The following PDE1B variants were observed in gnomAD, a reference collection of about 807,000 sequenced individuals.
PDE1B encodes phosphodiesterase 1B.
Under a neutral mutation model 66.7 loss-of-function variants are expected in PDE1B, and 13 were observed. The ratio of observed to expected loss-of-function variants is 0.19; its 90% CI spans 0.13 to 0.31. The LOEUF is 0.31. PDE1B is among the 10% of genes least tolerant of loss of function. PDE1B has a pLI of 1.00. For synonymous variants in PDE1B, 230 were observed against 253.9 expected (o/e 0.91, Z 0.90); for missense variants, 485 against 682.3 (o/e 0.71, Z 3.22).
chr12:54,568,656 C>T (rs531446619), intron 3 of PDE1B, among the ~76,000 whole-genome samples: 116 of 152,174 alleles, frequency 7.6e-4, no homozygotes, highest in African/African-American at 2.3e-3. Context: ...ACCAGCCTGG[C>T]GTGGTGGTAG....
chr12:54,573,346 G>C lies in PDE1B; in HGVS notation c.837-9G>C. ...CAGGGGGTGGTCATGATGACCTTTG[G>C]CTTTGTAGGTCAGAATGTGCCATCG... On this transcript the variant is annotated splice_polypyrimidine_tract_variant and intron_variant, in intron 8 of 15. Coordinates refer to ENST00000243052, the MANE Select transcript of PDE1B (RefSeq NM_000924.4). This position sits in a 1 kb window ranked among gnomAD's most constrained non-coding sequence, Gnocchi z 5.2. 6.2e-7 allele frequency: 1 copy of C among 1,614,152 alleles called. No individual in the cohort carries two copies. The highest frequency in any genetic ancestry group is 8.5e-7 in the Non-Finnish European group (1 of 1,180,018).
chr12:54,573,156 G>A lies in PDE1B; in HGVS notation c.744G>A (p.Leu248=). 1 of 1,613,476 alleles carries A rather than the reference G, an allele frequency of 6.2e-7. No individual in the cohort carries two copies. Among genetic ancestry groups the A allele is most frequent in the Non-Finnish European group, 8.5e-7 (1 of 1,179,420 alleles). ...TCTCTTTCCTCCTGTAGCACTGCCT[G>A]TCGGAGATTGAGCTCCTGGCCATCA... ...FLLRTGMVHC[L]SEIELLAIIF... Residue 248 remains leucine (L), a synonymous_variant, in exon 8 of 16, where the codon CTG becomes CTA. Transcript: ENST00000243052. The surrounding 1 kb of genome is among the most constrained non-coding windows in gnomAD (Gnocchi z 5.2).
At position 54,569,508 on chromosome 12, in the gene PDE1B, C is replaced by T. The variant is rs769606340; in HGVS notation, c.411-38C>T. The stretch of plus-strand genomic sequence containing the variant: ...AGCTGGCCACACCTCCACTCCCAGA[C>T]CTTCATATGTGGGCTTCTTCTCATT... On this transcript the variant is annotated intron_variant, in intron 4 of 15. Transcript: ENST00000243052. The surrounding 1 kb of genome is among the most constrained non-coding windows in gnomAD (Gnocchi z 4.4). 3.1e-6 allele frequency: 5 copies of T among 1,596,616 alleles called. No homozygotes were observed. In the South Asian group the frequency reaches 4.4e-5, roughly 14 times the overall value.
chr12:54,562,405 T>A (rs1957433687), intron 2 of PDE1B, among the ~76,000 whole-genome samples: 1 of 151,822 alleles, frequency 6.6e-6, no homozygotes, highest in African/African-American at 2.4e-5. Context: ...CAGAAAGAAG[T>A]GGTGGTGGTG....
rs774810310 is a variant in PDE1B, at chr12:54,573,870, A to AGAGAGAGAGTGTGTGT, written c.1064+162_1064+163insAGAGAGAGTGTGTGTG. The AGAGAGAGAGTGTGTGT allele has an allele frequency of 1.2e-5, 6 of 502,006 alleles. No individual in the cohort carries two copies. In the African/African-American group the frequency reaches 1.3e-4, roughly 11 times the overall value. 31.1% of individuals were successfully genotyped at this position (502,006 alleles called of 1,614,324 possible). On this transcript the variant is annotated intron_variant, in intron 10 of 15. Transcript: ENST00000243052. This position sits in a 1 kb window ranked among gnomAD's most constrained non-coding sequence, Gnocchi z 5.2. Reference sequence around the variant, plus strand: ...GCATCTCTATGTGAGAGAGAGAGAGAGTGTGTGTGTGTGTGTGTGTGTGTG... The same window carrying AGAGAGAGAGTGTGTGT: ...GCATCTCTATGTGAGAGAGAGAGAGAGAGAGAGAGTGTGTGTGTGTGTGTGTGTGTGTGTGTGTGTG...
chr12:54,561,840 C>G (rs1957421198), intron 2 of PDE1B, among the ~76,000 whole-genome samples: 1 of 151,260 alleles, frequency 6.6e-6, no homozygotes, highest in South Asian at 2.1e-4. Context: ...ATTCTCCTCC[C>G]ATTTCCATCC....
In PDE1B at chr12:54,563,090, G is replaced by A. The variant is rs552867615; in HGVS notation, c.114-3884G>A. Among the ~76,000 whole-genome samples the A allele has an allele frequency of 2.6e-4, 40 of 152,204 alleles. No homozygotes were observed. The South Asian group carries it at 6.2e-3, about 24-fold the overall frequency. On this transcript the variant is annotated intron_variant, in intron 2 of 15. Transcript: ENST00000243052. Reference sequence around the variant, plus strand: ...ACACCTGATTAATTTTCCCCTTTCCGTTTTATTTATTTAATGAACTTTTAC... The same window carrying A: ...ACACCTGATTAATTTTCCCCTTTCCATTTTATTTATTTAATGAACTTTTAC...
Position 54,576,650 on chromosome 12 carries a change from G to T in PDE1B, c.1456G>T (p.Val486Phe). The change falls in exon 14 of 16, where the codon GTC becomes TTC. Residue 486 changes from valine (V) to phenylalanine (F), a missense_variant. Val to Phe is a conservative substitution (Grantham distance 50). Coordinates refer to ENST00000243052, the MANE Select transcript of PDE1B (RefSeq NM_000924.4). ...PDVVSFRSTW[V>F]KRIQENKQKW... ...TGTGGTCAGCTTTCGTTCCACCTGG[G>T]TCAAGCGCATTCAGGAGAATAAGCA... The T allele has an allele frequency of 1.2e-6, 2 of 1,613,952 alleles. No homozygotes were observed. Among genetic ancestry groups the T allele is most frequent in the Non-Finnish European group, 1.7e-6 (2 of 1,179,952 alleles).
chr12:54,554,769 G>A (rs531054398), intron 2 of PDE1B, among the ~76,000 whole-genome samples: 207 of 152,202 alleles, frequency 1.4e-3, no homozygotes, highest in African/African-American at 4.8e-3. Context: ...CAATTACAAC[G>A]GTGTAATCTT....
intron 2 of PDE1B, chr12:54,561,703 A>G (rs1957416714): frequency 2.5e-6 from 3 of 1,221,868 alleles, no homozygotes; most frequent in Admixed American, 2.1e-5. Context: ...TGGATCCACC[A>G]GTTGTAGTTT....
chr12:54,561,179 A>G (rs550025664), intron 2 of PDE1B, among the ~76,000 whole-genome samples: 62 of 152,102 alleles, frequency 4.1e-4, no homozygotes, highest in South Asian at 1.2e-3. Flanking sequence ...CCTCTCTGTG[A>G]CAGATTCAGG....
chr12:54,576,201 G>C (rs1957740950), intron 13 of PDE1B, 101 bp downstream of exon 13: 1 of 782,710 alleles, frequency 1.3e-6, no homozygotes, highest in South Asian at 1.4e-5. Flanking sequence ...ATGGTGGGGT[G>C]GTGGGGAGGC....
chr12:54,554,733 G>C (rs1176097934), intron 2 of PDE1B, among the ~76,000 whole-genome samples: 2 of 152,186 alleles, frequency 1.3e-5, no homozygotes, highest in African/African-American at 4.8e-5. Flanking sequence ...TGGGAGACTT[G>C]AGTTCGAGTT....
Position 54,569,123 on chromosome 12 carries a change from G to A in PDE1B, c.228-61G>A. ...AATGTGGGGTATGGCTGGGTACAGG[G>A]TCTCTAGGCTGTGGAAGCACCTGCT... On this transcript the variant is annotated intron_variant, in intron 3 of 15. Transcript: ENST00000243052. The surrounding 1 kb of genome is among the most constrained non-coding windows in gnomAD (Gnocchi z 4.4). 6.5e-7 allele frequency: 1 copy of A among 1,546,532 alleles called. No homozygotes were observed.
At chr12:54,550,271 T>C (rs1427119796) in intron 2 of PDE1B, 3 of 1,267,806 alleles carry the variant, frequency 2.4e-6, no homozygotes, top group Non-Finnish European at 3.0e-6. Flanking sequence ...CAGCACAGTA[T>C]ATGCAGTGTG....
intron 6 of PDE1B, chr12:54,570,580 C>G: frequency 1.9e-6 from 1 of 535,918 alleles, no homozygotes; most frequent in East Asian, 3.1e-5. Flanking sequence ...CGGTCTGCAA[C>G]CATCTAGCCT....
rs952941112 is a variant in PDE1B at position 54,578,149 on chromosome 12, C to T, written c.*307C>T. On this transcript the variant is annotated 3_prime_UTR_variant, in exon 16 of 16. Coordinates refer to ENST00000243052, the MANE Select transcript of PDE1B (RefSeq NM_000924.4). ...GTGGCTGCCAGGGAGCGGGGAGCTT[C>T]CTGGAGGCTTCCCAGGGCCTTGGGG... The T allele has an allele frequency of 1.2e-4, 18 of 152,274 alleles. No homozygotes were observed. Among genetic ancestry groups the T allele is most frequent in the African/African-American group, 4.1e-4 (17 of 41,456 alleles). The allele number at this position is 152,274 out of a possible 1,614,324, so 9.4% of individuals were successfully genotyped here. A position where few individuals can be genotyped will look rare whatever the true frequency, so the allele number is the denominator to read the frequency against.
In PDE1B at chr12:54,570,444, A is replaced by G. The variant is rs1474020899; in HGVS notation, c.594+87A>G. Reference sequence around the variant, plus strand: ...AAAAGCCTCCCAACAAACAGATTCCATAGATCCCCTCACTCAGTCTCAACA... The same window carrying G: ...AAAAGCCTCCCAACAAACAGATTCCGTAGATCCCCTCACTCAGTCTCAACA... On this transcript the variant is annotated intron_variant, in intron 6 of 15. Coordinates refer to ENST00000243052, the MANE Select transcript of PDE1B (RefSeq NM_000924.4). 9 of 798,148 alleles carry G rather than the reference A, an allele frequency of 1.1e-5. No homozygotes were observed. In the African/African-American group the frequency reaches 1.2e-4, roughly 10 times the overall value. 49.4% of individuals were successfully genotyped at this position (798,148 alleles called of 1,614,324 possible).
At chr12:54,570,598 T>G (rs1957598369) in intron 6 of PDE1B, 1 of 498,334 alleles carries the variant, frequency 2.0e-6, no homozygotes, top group Admixed American at 3.2e-5. Context: ...CCTGGGATTC[T>G]GCTCTCTCCC....
Sources: allele counts gnomAD v4.1 joint callset (sites outside exome capture counted in the v4.1 genomes callset), GRCh38; gene constraint gnomAD v4.1.1; non-coding constraint Gnocchi (gnomAD v3.1); transcripts MANE v1.5; gene names NCBI Gene and HGNC (gene_info 2026-07-23, HGNC 2026-07-21).